CAB39: variants seen among roughly 807,000 people sequenced by gnomAD.
CAB39 encodes the protein calcium binding protein 39.
CAB39 carries 8 observed loss-of-function variants against 40.0 expected under a neutral mutation model. That is an observed-to-expected ratio of 0.20 (90% CI 0.12 to 0.36). The LOEUF (loss-of-function observed/expected upper bound fraction) is 0.36, where lower values mean the gene tolerates loss of function less well. Among genes scored for constraint, CAB39 ranks in the 10% least tolerant of loss-of-function variants. CAB39 has a pLI of 1.00. For synonymous variants in CAB39, 156 were observed against 141.6 expected (o/e 1.10, Z -0.72); for missense variants, 270 against 401.1 (o/e 0.67, Z 2.79).
At chr2:230,796,425 C>T (rs1295082394) in intron 4 of CAB39, among the ~76,000 whole-genome samples, 1 of 152,000 alleles carries the variant, frequency 6.6e-6, no homozygotes. Flanking sequence ...TAACTGTTTG[C>T]CTTGTATTTA....
chr2:230,810,269 C>A lies in CAB39; in HGVS notation c.574C>A (p.Leu192Ile). Reference protein sequence around the residue: ...SDAFATFKDLLTRHKLLSAEF... With the variant: ...SDAFATFKDLITRHKLLSAEF... ...TTTTTTTTTCTTTTTGTAGGATTTACTTACAAGACATAAATTGCTCAGTGC... is the reference window on the plus strand; with the variant it reads ...TTTTTTTTTCTTTTTGTAGGATTTAATTACAAGACATAAATTGCTCAGTGC... The change falls in exon 6 of 9, where the codon CTT becomes ATT. Residue 192 changes from leucine to isoleucine, a missense_variant. By Grantham distance (5) the Leu-to-Ile change is conservative. Coordinates refer to ENST00000258418, the MANE Select transcript of CAB39 (RefSeq NM_016289.4). The A allele has an allele frequency of 6.9e-7, 1 of 1,443,478 alleles. No homozygotes were observed. Among genetic ancestry groups the A allele is most frequent in the Non-Finnish European group, 9.5e-7 (1 of 1,053,928 alleles). The allele number at this position is 1,443,478 out of a possible 1,614,324, so 89.4% of individuals were successfully genotyped here.
At chr2:230,787,033 G>C (rs1320240626) in intron 2 of CAB39, among the ~76,000 whole-genome samples, 2 of 152,096 alleles carry the variant, frequency 1.3e-5, no homozygotes, top group Non-Finnish European at 2.9e-5. Context: ...ATTATTAGGA[G>C]GATGACTTAC....
chr2:230,816,920 G>A lies in CAB39; in HGVS notation c.694-834G>A, dbSNP rs138700138. 1.5e-3 allele frequency among the ~76,000 whole-genome samples: 235 copies of A among 152,296 alleles called. 3 individuals are homozygous for A. Among genetic ancestry groups the A allele is most frequent in the African/African-American group, 5.3e-3 (221 of 41,554 alleles). ...CCAAGCTCTCCACAGCTCTGCCACC[G>A]CCCACAAGGACCGCAGCTTGGCACC... On this transcript the variant is annotated intron_variant, in intron 7 of 8. Coordinates refer to ENST00000258418, the MANE Select transcript of CAB39 (RefSeq NM_016289.4).
At chr2:230,787,463 G>A (rs959070313) in intron 2 of CAB39, among the ~76,000 whole-genome samples, 4 of 152,142 alleles carry the variant, frequency 2.6e-5, no homozygotes, top group African/African-American at 7.2e-5. Flanking sequence ...TGAATGATGG[G>A]CTGATGAGAT....
chr2:230,815,699 A>G (rs1696387842), intron 7 of CAB39, among the ~76,000 whole-genome samples: 1 of 152,152 alleles, frequency 6.6e-6, no homozygotes, highest in African/African-American at 2.4e-5. Flanking sequence ...CCCTTCTGCC[A>G]TTCAGAATTA....
At chr2:230,747,302 G>A (rs1256536747) in intron 1 of CAB39, among the ~76,000 whole-genome samples, 2 of 152,244 alleles carry the variant, frequency 1.3e-5, no homozygotes, top group African/African-American at 2.4e-5. Context: ...TCTGAGGAGG[G>A]GTTACCCCCA....
intron 2 of CAB39, among the ~76,000 whole-genome samples, chr2:230,766,855 G>C (rs1695394496): frequency 6.6e-6 from 1 of 152,166 alleles, no homozygotes; most frequent in Non-Finnish European, 1.5e-5. Context: ...ATGAGATTTG[G>C]AGGGAACAGA....
chr2:230,720,997 G>T (rs541726805), intron 1 of CAB39, among the ~76,000 whole-genome samples: 1 of 152,156 alleles, frequency 6.6e-6, no homozygotes, highest in African/African-American at 2.4e-5. Flanking sequence ...TCTCTAGATT[G>T]TAATTTATTT....
chr2:230,739,221 A>G (rs937436518), intron 1 of CAB39, among the ~76,000 whole-genome samples: 20 of 152,248 alleles, frequency 1.3e-4, no homozygotes, highest in Admixed American at 3.3e-4. Context: ...AGGAAAATAG[A>G]TATTTTTAAA....
chr2:230,751,713 G>T (rs1381480667), intron 1 of CAB39, among the ~76,000 whole-genome samples: 1 of 152,030 alleles, frequency 6.6e-6, no homozygotes, highest in Non-Finnish European at 1.5e-5. Flanking sequence ...TGATGTCTTT[G>T]TTCTTTGTAA....
In CAB39 at chr2:230,748,824, AAAAAAAAATATAT is replaced by A. The variant is rs1353261017; in HGVS notation, c.-43-11133_-43-11121del. Among the ~76,000 whole-genome samples the A allele has an allele frequency of 1.5e-4, 11 of 72,384 alleles. 1 individual carries two copies. Among genetic ancestry groups the A allele is most frequent in the African/African-American group, 4.2e-4 (7 of 16,704 alleles). 47.5% of individuals were successfully genotyped at this position (72,384 alleles called of 152,430 possible). ...TCTATTTCCAAAAAGAAAAAAAAAAAAAAAAAAATATATATATATATATATATATATATATATA... is the reference window on the plus strand; with the variant it reads ...TCTATTTCCAAAAAGAAAAAAAAAAAATATATATATATATATATATATATA... On this transcript the variant is annotated intron_variant, in intron 1 of 8. Coordinates refer to ENST00000258418, the MANE Select transcript of CAB39 (RefSeq NM_016289.4).
chr2:230,808,342 A>C (rs1696241082), intron 5 of CAB39, among the ~76,000 whole-genome samples: 1 of 152,124 alleles, frequency 6.6e-6, no homozygotes, highest in African/African-American at 2.4e-5. Flanking sequence ...TCGGCCAGGC[A>C]CTATTCTTTA....
intron 2 of CAB39, among the ~76,000 whole-genome samples, chr2:230,783,423 G>A (rs1490810463): frequency 6.7e-6 from 1 of 149,590 alleles, no homozygotes; most frequent in Non-Finnish European, 1.5e-5. Flanking sequence ...CGTTCTTAGA[G>A]GGAAGTCTGT....
chr2:230,809,948 A>G (rs1696275599), intron 5 of CAB39, among the ~76,000 whole-genome samples: 1 of 152,116 alleles, frequency 6.6e-6, no homozygotes, highest in Non-Finnish European at 1.5e-5. Context: ...TAACCAGCCC[A>G]CTTGGGGAGT....
rs151202211 is a variant in CAB39 at position 230,758,398 on chromosome 2, A to G, written c.-43-1561A>G. Reference sequence around the variant, plus strand: ...GGTTAATTTTGTCAAAAAAGGATTTACAAGGTGACAGAAGGTAAGATAGGC... The same window carrying G: ...GGTTAATTTTGTCAAAAAAGGATTTGCAAGGTGACAGAAGGTAAGATAGGC... On this transcript the variant is annotated intron_variant, in intron 1 of 8. Coordinates refer to ENST00000258418, the MANE Select transcript of CAB39 (RefSeq NM_016289.4). Among the ~76,000 whole-genome samples the G allele has an allele frequency of 6.5e-3, 984 of 152,304 alleles. 8 individuals carry two copies. Among genetic ancestry groups the G allele is most frequent in the Non-Finnish European group, 0.011 (731 of 68,028 alleles).
At chr2:230,797,016 A>G (rs959369330) in intron 4 of CAB39, among the ~76,000 whole-genome samples, 2 of 152,218 alleles carry the variant, frequency 1.3e-5, no homozygotes, top group Admixed American at 6.5e-5. Flanking sequence ...TCTTTATTTG[A>G]TTAGCTAGAA....
chr2:230,810,386 C>T (rs560404000), intron 6 of CAB39, 64 bp downstream of exon 6: 4 of 622,396 alleles, frequency 6.4e-6, no homozygotes, highest in African/African-American at 5.8e-5. Flanking sequence ...AAATGAAAGA[C>T]TTACATTAGG....
intron 1 of CAB39, among the ~76,000 whole-genome samples, chr2:230,720,983 C>T (rs377355369): frequency 1.7e-4 from 26 of 152,126 alleles, no homozygotes; most frequent in Admixed American, 4.6e-4. Flanking sequence ...ATGTAAGTTT[C>T]GTGTCTCTAG....
chr2:230,780,585 C>T (rs751152235), intron 2 of CAB39, among the ~76,000 whole-genome samples: 1 of 152,116 alleles, frequency 6.6e-6, no homozygotes, highest in African/African-American at 2.4e-5. Context: ...TAGAGTGTCC[C>T]TTGATTTAGG....
Sources: gnomAD v4.1 joint callset for allele counts (sites outside exome capture counted in the v4.1 genomes callset) on GRCh38, gnomAD v4.1.1 for gene constraint, MANE v1.5 for transcripts, NCBI Gene and HGNC (gene_info 2026-07-23, HGNC 2026-07-21) for gene names.